Variants in LDLRAD3 observed in about 807,000 individuals in gnomAD.
LDLRAD3 encodes the protein low-density lipoprotein receptor class A domain-containing protein 3.
A neutral mutation model predicts 29.4 loss-of-function variants in LDLRAD3; 20 were observed. The observed-to-expected ratio is 0.68, with a 90% CI of 0.48 to 0.99. The LOEUF is 0.99. Ranked by LOEUF, LDLRAD3 falls within the 50% of genes least tolerant of loss-of-function variation. LDLRAD3 has a pLI of 0.00. For missense variants in LDLRAD3, 420 were observed against 454.3 expected, an observed-to-expected ratio of 0.92 and a Z score of 0.69; for synonymous variants, 157 against 192.7, an observed-to-expected ratio of 0.81 and a Z score of 1.53.
intron 4 of LDLRAD3, among the ~76,000 whole-genome samples, chr11:36,174,244 C>G (rs1261917957): frequency 6.6e-6 from 1 of 152,154 alleles, no homozygotes; most frequent in Non-Finnish European, 1.5e-5. Flanking sequence ...AATGTTAGAC[C>G]TAAAACCATA....
intron 2 of LDLRAD3, among the ~76,000 whole-genome samples, chr11:36,064,131 G>A (rs1240934440): frequency 6.6e-6 from 1 of 152,104 alleles, no homozygotes; most frequent in Non-Finnish European, 1.5e-5. Flanking sequence ...CACTTCTTTT[G>A]TTAAAATTAT....
Position 36,081,670 on chromosome 11 carries a change from T to G in LDLRAD3, c.211T>G (p.Cys71Gly), listed in dbSNP as rs752241601. Residue 71 changes from cysteine to glycine, a missense_variant, in exon 3 of 6, where the codon TGT (cysteine) becomes GGT (glycine). Cys to Gly is a radical substitution (Grantham distance 159, BLOSUM62 -3). Coordinates refer to ENST00000315571, the MANE Select transcript of LDLRAD3 (RefSeq NM_174902.4). ...EKECPKAKSK[C>G]GPTFFPCASG... Reference sequence around the variant, plus strand: ...TCCTGCAGCCAAGGCTAAGTCGAAATGTGGCCCAACCTTCTTCCCCTGTGC... The same window carrying G: ...TCCTGCAGCCAAGGCTAAGTCGAAAGGTGGCCCAACCTTCTTCCCCTGTGC... 6.2e-6 allele frequency: 10 copies of G among 1,614,262 alleles called. No homozygotes were observed. The highest frequency in any genetic ancestry group is 7.6e-6 in the Non-Finnish European group (9 of 1,180,040).
chr11:36,087,705 A>T (rs918236358), intron 3 of LDLRAD3, among the ~76,000 whole-genome samples: 1 of 151,940 alleles, frequency 6.6e-6, no homozygotes, highest in Non-Finnish European at 1.5e-5. Context: ...GCAAAAACCC[A>T]GTATATATAA....
At chr11:36,088,772 A>C (rs904009640) in intron 3 of LDLRAD3, among the ~76,000 whole-genome samples, 1 of 152,172 alleles carries the variant, frequency 6.6e-6, no homozygotes, top group Non-Finnish European at 1.5e-5. Flanking sequence ...AGACTCTCAC[A>C]TGACTGGTTT....
chr11:36,122,987 G>A lies in LDLRAD3; in HGVS notation c.454+24526G>A, dbSNP rs148737315. Among the ~76,000 whole-genome samples the A allele has an allele frequency of 8.0e-3, 1,222 of 152,196 alleles. 12 individuals carry two copies. The highest frequency in any genetic ancestry group is 0.028 in the African/African-American group (1,172 of 41,512). On this transcript the variant is annotated intron_variant, in intron 4 of 5. Transcript: ENST00000315571. ...GCTAAGGAGTTTGAGACCAGCCTGG[G>A]CCACGCAGTGAGACCTTGTCTCTAC...
chr11:36,227,095 T>G lies in LDLRAD3; in HGVS notation c.465T>G (p.Ser155Arg). The stretch of plus-strand genomic sequence containing the variant: ...TCTTGGGTTTCTCAGAACCCGGCAG[T>G]GGGCAGGTGTTTGTGACTTCAGAGA... ...ESCESSQEPG[S>R]GQVFVTSENQ... The change falls in exon 5 of 6, where the codon AGT becomes AGG. Residue 155 changes from serine to arginine, a missense_variant. Physicochemically the swap from Ser to Arg is moderately radical, Grantham distance 110. Coordinates refer to ENST00000315571, the MANE Select transcript of LDLRAD3 (RefSeq NM_174902.4). The G allele has an allele frequency of 6.3e-7, 1 of 1,588,888 alleles. No homozygotes were observed. The highest frequency in any genetic ancestry group is 8.6e-7 in the Non-Finnish European group (1 of 1,162,294).
At chr11:36,012,417 C>G (rs1004333715) in intron 1 of LDLRAD3, among the ~76,000 whole-genome samples, 5 of 152,090 alleles carry the variant, frequency 3.3e-5, no homozygotes. Context: ...CTTACTAAGT[C>G]GAGAACTTTC....
intron 4 of LDLRAD3, among the ~76,000 whole-genome samples, chr11:36,146,853 G>A (rs1032377630): frequency 1.4e-5 from 2 of 144,996 alleles, no homozygotes; most frequent in Non-Finnish European, 3.0e-5. Flanking sequence ...ACAGTGGCGT[G>A]GTTTTGGCTC....
chr11:36,197,882 T>TAAAA (rs59189246), intron 4 of LDLRAD3: 2 of 140,022 alleles, frequency 1.4e-5, no homozygotes, highest in Non-Finnish European at 3.1e-5. Context: ...CCCCATGTCT[T>TAAAA]AAAAAAAAAA....
chr11:36,136,956 G>T (rs984098572), intron 4 of LDLRAD3, among the ~76,000 whole-genome samples: 6 of 152,146 alleles, frequency 3.9e-5, no homozygotes, highest in Non-Finnish European at 7.3e-5. Flanking sequence ...CTCCCAAAGT[G>T]CTGGGATTAC....
chr11:36,064,493 T>G (rs1852759065), intron 2 of LDLRAD3, among the ~76,000 whole-genome samples: 1 of 150,302 alleles, frequency 6.7e-6, no homozygotes, highest in Non-Finnish European at 1.5e-5. Context: ...TTTTTTTTTT[T>G]TTTTTTTGTA....
chr11:36,097,923 A>G (rs903662174), intron 3 of LDLRAD3, among the ~76,000 whole-genome samples: 3 of 152,234 alleles, frequency 2.0e-5, no homozygotes, highest in African/African-American at 7.2e-5. Flanking sequence ...AAAGGAGCCA[A>G]AGGCATCCCT....
At chr11:36,007,031 A>C (rs775133842) in intron 1 of LDLRAD3, among the ~76,000 whole-genome samples, 1 of 152,218 alleles carries the variant, frequency 6.6e-6, no homozygotes, top group Non-Finnish European at 1.5e-5. Flanking sequence ...AGTGGGCCTC[A>C]GTGACTCTCT....
intron 4 of LDLRAD3, chr11:36,102,056 T>C: frequency 5.4e-6 from 1 of 186,126 alleles, no homozygotes; most frequent in Non-Finnish European, 1.1e-5. Context: ...GCCTGGCTTA[T>C]TTTTTGTATT....
At chr11:35,946,246 G>T (rs1463763266) in intron 1 of LDLRAD3, among the ~76,000 whole-genome samples, 1 of 152,136 alleles carries the variant, frequency 6.6e-6, no homozygotes, top group Non-Finnish European at 1.5e-5. Context: ...CCTATGCTTG[G>T]ATCCTCTTCT....
At chr11:36,061,722 TA>T (rs1443801142) in intron 2 of LDLRAD3, among the ~76,000 whole-genome samples, 7 of 152,210 alleles carry the variant, frequency 4.6e-5, no homozygotes, top group Admixed American at 4.6e-4. Flanking sequence ...GGCTTGTGCA[TA>T]AAGCTCAGCC....
chr11:35,995,280 A>C (rs1208091942), intron 1 of LDLRAD3, among the ~76,000 whole-genome samples: 6 of 152,218 alleles, frequency 3.9e-5, no homozygotes, highest in African/African-American at 1.4e-4. Context: ...AAAAATCATT[A>C]ATCTTCTTGA....
At chr11:36,039,992 C>T (rs527361709) in intron 2 of LDLRAD3, among the ~76,000 whole-genome samples, 2 of 152,102 alleles carry the variant, frequency 1.3e-5, no homozygotes, top group African/African-American at 4.8e-5. Context: ...GCCGCCTTCC[C>T]GGAGGGAGGG....
chr11:36,179,720 C>T (rs1229108631), intron 4 of LDLRAD3, among the ~76,000 whole-genome samples: 1 of 150,988 alleles, frequency 6.6e-6, no homozygotes, highest in African/African-American at 2.4e-5. Flanking sequence ...TAGCTGAGCT[C>T]GGTGGCTCAT....
Sources: gnomAD v4.1 joint callset for allele counts (sites outside exome capture counted in the v4.1 genomes callset) on GRCh38, gnomAD v4.1.1 for gene constraint, MANE v1.5 for transcripts, NCBI Gene and HGNC (gene_info 2026-07-23, HGNC 2026-07-21) for gene names.